CNOT6: variants seen among roughly 807,000 people sequenced by gnomAD.
The protein encoded by CNOT6 is carbon catabolite repression 4 protein.
A neutral mutation model predicts 61.2 loss-of-function variants in CNOT6; 12 were observed. The ratio of observed to expected loss-of-function variants is 0.20; its 90% CI spans 0.13 to 0.32. The LOEUF (loss-of-function observed/expected upper bound fraction) is 0.32, where lower values mean the gene tolerates loss of function less well. Among genes scored for constraint, CNOT6 ranks in the 10% least tolerant of loss-of-function variants. The pLI, the probability that CNOT6 is intolerant of heterozygous loss-of-function variation, is 1.00. For missense variants in CNOT6, 405 were observed against 663.9 expected (o/e 0.61, Z 4.28); for synonymous variants, 225 against 240.6 (o/e 0.94, Z 0.60).
rs191604346 is a variant in CNOT6 at position 180,556,558 on chromosome 5, G to T, written c.385+3087G>T. Among the ~76,000 whole-genome samples, 8 of 152,280 alleles carry T rather than the reference G, an allele frequency of 5.3e-5. No homozygotes were observed. The East Asian group carries it at 1.5e-3, about 29-fold the overall frequency. The stretch of plus-strand genomic sequence containing the variant: ...ATTATATGTCCATTTAGAAAAGGAT[G>T]TAGAACATCTCTATCACCAGAAGAT... On this transcript the variant is annotated intron_variant, in intron 4 of 11. Coordinates refer to ENST00000261951, the MANE Select transcript of CNOT6 (RefSeq NM_001370472.1).
At chr5:180,529,211 A>AAAC in intron 1 of CNOT6, 64 bp from the exon 2 acceptor site, 1 of 876,732 alleles carries the variant, frequency 1.1e-6, no homozygotes, top group Non-Finnish European at 1.8e-6. Flanking sequence ...AAAAAAAAAA[A>AAAC]AAGGTGTTGT....
intron 1 of CNOT6, among the ~76,000 whole-genome samples, chr5:180,517,341 C>A (rs952767410): frequency 6.6e-6 from 1 of 152,020 alleles, no homozygotes; most frequent in Non-Finnish European, 1.5e-5. Context: ...GTTTCCCAGG[C>A]TGATCTTGAA....
intron 1 of CNOT6, among the ~76,000 whole-genome samples, chr5:180,501,554 A>T (rs2127690955): frequency 6.6e-6 from 1 of 152,318 alleles, no homozygotes; most frequent in Non-Finnish European, 1.5e-5. Context: ...AAGTTAGGGG[A>T]TTACTCAGGA....
Position 180,506,359 on chromosome 5 carries a change from A to G in CNOT6, c.-3+11596A>G, listed in dbSNP as rs112618656. On this transcript the variant is annotated intron_variant, in intron 1 of 11. Transcript: ENST00000261951. ...AGTTGTGTCATTTAGTATCCCTGTG[A>G]CCTCAGGAACGTTATTCTCCGGACC... is the stretch of plus-strand genomic sequence containing the variant. 5.5e-3 allele frequency among the ~76,000 whole-genome samples: 837 copies of G among 152,326 alleles called. 8 individuals are homozygous for G. Among genetic ancestry groups the G allele is most frequent in the African/African-American group, 0.019 (807 of 41,580 alleles).
chr5:180,532,890 T>TG (rs1758463579), intron 2 of CNOT6, among the ~76,000 whole-genome samples: 1 of 152,200 alleles, frequency 6.6e-6, no homozygotes, highest in Non-Finnish European at 1.5e-5. Context: ...GATGAAAAGA[T>TG]GCACAGGGCA....
chr5:180,554,517 G>GTTT (rs11391000), intron 4 of CNOT6, among the ~76,000 whole-genome samples: 25,038 of 151,308 alleles, frequency 0.17, 2,142 homozygotes, highest in Non-Finnish European at 0.19. Flanking sequence ...TAAAAGAACA[G>GTTT]TTTTTTTTAA....
At chr5:180,529,550 G>A (rs536035706) in intron 2 of CNOT6, among the ~76,000 whole-genome samples, 162 bp downstream of exon 2, 8 of 152,268 alleles carry the variant, frequency 5.3e-5, no homozygotes, top group Admixed American at 6.5e-5. Flanking sequence ...AAGCAGGAAG[G>A]TTCAATGAAA....
At chr5:180,509,749 C>G (rs1757295000) in intron 1 of CNOT6, among the ~76,000 whole-genome samples, 1 of 151,348 alleles carries the variant, frequency 6.6e-6, no homozygotes, top group African/African-American at 2.4e-5. Context: ...CAGGATCTCC[C>G]TATGCTGCCC....
intron 2 of CNOT6, among the ~76,000 whole-genome samples, chr5:180,531,411 C>T (rs937161122): frequency 1.3e-5 from 2 of 151,166 alleles, no homozygotes; most frequent in South Asian, 2.1e-4. Context: ...AGGCGCTCCC[C>T]GCATCTCAGA....
At chr5:180,552,935 G>A (rs1759697120) in intron 3 of CNOT6, among the ~76,000 whole-genome samples, 1 of 150,480 alleles carries the variant, frequency 6.6e-6, no homozygotes, top group African/African-American at 2.5e-5. Flanking sequence ...GATCATTTTA[G>A]TTCTCTTTTA....
intron 1 of CNOT6, among the ~76,000 whole-genome samples, chr5:180,521,176 T>G (rs1426818433): frequency 6.6e-6 from 1 of 152,106 alleles, no homozygotes; most frequent in African/African-American, 2.4e-5. Context: ...CATGAAGTTT[T>G]TGTGTGAAAG....
intron 2 of CNOT6, among the ~76,000 whole-genome samples, chr5:180,541,117 T>G (rs1315795832): frequency 6.6e-6 from 1 of 151,974 alleles, no homozygotes; most frequent in Non-Finnish European, 1.5e-5. Flanking sequence ...TTTATTTTCT[T>G]TCTTCTTTTT....
chr5:180,552,512 GGCA>G (rs1759666648), intron 3 of CNOT6, among the ~76,000 whole-genome samples: 1 of 151,868 alleles, frequency 6.6e-6, no homozygotes, highest in Non-Finnish European at 1.5e-5. Context: ...TGGGTGTGGT[GGCA>G]GGCACCTGTA....
At chr5:180,528,982 G>A (rs980638675) in intron 1 of CNOT6, among the ~76,000 whole-genome samples, 1 of 152,022 alleles carries the variant, frequency 6.6e-6, no homozygotes, top group African/African-American at 2.4e-5. Context: ...AGGCCAAGGC[G>A]GGCGGATCAT....
At position 180,553,393 on chromosome 5, in the gene CNOT6, C is replaced by T; in HGVS notation, c.307C>T (p.His103Tyr). 1 of 1,612,824 alleles carries T rather than the reference C, an allele frequency of 6.2e-7. No individual in the cohort carries two copies. Among genetic ancestry groups the T allele is most frequent in the Non-Finnish European group, 8.5e-7 (1 of 1,179,130 alleles). The change falls in exon 4 of 12, where the codon CAT becomes TAT. Residue 103 changes from histidine (H) to tyrosine (Y), a missense_variant. By Grantham distance (83) the His-to-Tyr change is moderately conservative. Transcript: ENST00000261951. ...LGNMVSLREL[H>Y]LNNNLLRVLP... is the part of the protein sequence containing the mutation. ...GAATTTTTACATCAACAGGGAGCTCCATTTAAATAACAACCTGTTACGAGT... is the reference window on the plus strand; with the variant it reads ...GAATTTTTACATCAACAGGGAGCTCTATTTAAATAACAACCTGTTACGAGT...
At chr5:180,518,018 T>C (rs55716788) in intron 1 of CNOT6, among the ~76,000 whole-genome samples, 7 of 46,954 alleles carry the variant, frequency 1.5e-4, no homozygotes, top group Non-Finnish European at 2.3e-4. Context: ...CCCTCTCTCC[T>C]CGTCTTGATT....
chr5:180,569,383 A>C, intron 10 of CNOT6, 43 bp downstream of exon 10: 1 of 1,411,536 alleles, frequency 7.1e-7, no homozygotes, highest in South Asian at 1.2e-5. Flanking sequence ...TTTTTGACAT[A>C]AGATGATTTA....
intron 2 of CNOT6, among the ~76,000 whole-genome samples, chr5:180,531,873 ACT>A (rs1320365112): frequency 6.6e-6 from 1 of 152,170 alleles, no homozygotes; most frequent in African/African-American, 2.4e-5. Flanking sequence ...AATCCCAGGC[ACT>A]CTGCAGGCTG....
chr5:180,545,307 C>T (rs939335177), intron 2 of CNOT6, among the ~76,000 whole-genome samples: 3 of 152,226 alleles, frequency 2.0e-5, no homozygotes, highest in African/African-American at 7.2e-5. Context: ...TTCCCCACCT[C>T]TCCTGTTTCT....
Sources: allele counts gnomAD v4.1 joint callset (sites outside exome capture counted in the v4.1 genomes callset), GRCh38; gene constraint gnomAD v4.1.1; transcripts MANE v1.5; gene names NCBI Gene and HGNC (gene_info 2026-07-23, HGNC 2026-07-21).